Variants in CENPN observed in about 807,000 individuals in gnomAD.
The protein encoded by CENPN is centromere protein N.
Under a neutral mutation model 48.6 loss-of-function variants are expected in CENPN, and 36 were observed. The observed-to-expected ratio is 0.74, with a 90% CI of 0.57 to 0.98. The LOEUF is 0.98. CENPN is among the 50% of genes least tolerant of loss of function. CENPN has a pLI of 0.00. For missense variants in CENPN, 439 were observed against 399.2 expected (o/e 1.10, Z -0.85); for synonymous variants, 166 against 135.2 (o/e 1.23, Z -1.58).
intron 8 of CENPN, 120 bp from the exon 9 acceptor site, chr16:81,026,406 A>G: frequency 2.2e-6 from 1 of 444,812 alleles, no homozygotes; most frequent in Non-Finnish European, 4.1e-6. Flanking sequence ...CAAGAGAAGA[A>G]GCAGTAAATA....
At chr16:81,033,085 C>T (rs894975990), downstream of CENPN, 1 of 155,984 alleles carries the variant, frequency 6.4e-6, no homozygotes, top group Non-Finnish European at 1.4e-5. Flanking sequence ...CCTGCACAAT[C>T]TGCAACTTGC....
In CENPN at chr16:81,028,722, T is replaced by A. The variant is rs1641704597; in HGVS notation, c.*71T>A. On this transcript the variant is annotated 3_prime_UTR_variant, in exon 11 of 11. Coordinates refer to ENST00000305850, the MANE Select transcript of CENPN (RefSeq NM_001100624.3). ...ACATGCACTTCAGTTCATGGCTAGC[T>A]GTATAGCTTCCGTCTGTAAACTTGT... 1.9e-6 allele frequency: 3 copies of A among 1,552,104 alleles called. No individual in the cohort carries two copies. The highest frequency in any genetic ancestry group is 2.6e-6 in the Non-Finnish European group (3 of 1,157,172).
chr16:81,015,733 C>A (rs956948015), intron 3 of CENPN, among the ~76,000 whole-genome samples: 3 of 152,176 alleles, frequency 2.0e-5, no homozygotes, highest in Non-Finnish European at 4.4e-5. Context: ...TGGCTGGACG[C>A]AGTGGCTCAC....
In CENPN at chr16:81,020,147, A is replaced by T; in HGVS notation, c.402A>T (p.Arg134=). Residue 134 remains arginine (R), a synonymous_variant, in exon 6 of 11, where the codon CGA becomes CGT. Transcript: ENST00000305850. ...RETEENAVWI[R]IAWGTQYTKP... is the part of the protein sequence containing the mutation. ...CTGAGGAGAATGCAGTCTGGATTCG[A>T]ATTGCCTGGGGAACACAGTACACAA... The T allele has an allele frequency of 6.2e-7, 1 of 1,613,600 alleles. No homozygotes were observed. The highest frequency in any genetic ancestry group is 8.5e-7 in the Non-Finnish European group (1 of 1,179,840).
chr16:81,017,459 G>A (rs1969978933), intron 4 of CENPN, 74 bp downstream of exon 4: 3 of 1,017,488 alleles, frequency 2.9e-6, no homozygotes, highest in Non-Finnish European at 4.6e-6. Context: ...ACAGCGAGCT[G>A]AGATTGCACC....
At chr16:81,007,536 G>C (rs3784815) in intron 1 of CENPN, 3,197 of 152,372 alleles carry the variant, frequency 0.021, 177 homozygotes, top group East Asian at 0.2. Flanking sequence ...ACTGCGTCAG[G>C]GGAGGGCCGT....
chr16:81,025,722 A>T (rs1970438733), intron 8 of CENPN, among the ~76,000 whole-genome samples: 1 of 127,838 alleles, frequency 7.8e-6, no homozygotes, highest in Non-Finnish European at 1.5e-5. Flanking sequence ...TTTTTTTTTA[A>T]GACAGAGTCT....
intron 8 of CENPN, among the ~76,000 whole-genome samples, chr16:81,026,318 A>G (rs1159734468): frequency 6.6e-6 from 1 of 151,878 alleles, no homozygotes; most frequent in Admixed American, 6.6e-5. Flanking sequence ...TGGTAGAATT[A>G]TGATTTTTAT....
Position 81,020,265 on chromosome 16 carries a change from C to T in CENPN, c.520C>T (p.Leu174Phe). Reference protein sequence around the residue: ...SSSMLRRNTPLLGQALTIASK... With the variant: ...SSSMLRRNTPFLGQALTIASK... Reference sequence around the variant, plus strand: ...CTCCATGCTGAGGCGCAATACACCGCTTCTGGGTCAGGTATGGAAAAAATT... The same window carrying T: ...CTCCATGCTGAGGCGCAATACACCGTTTCTGGGTCAGGTATGGAAAAAATT... The change falls in exon 6 of 11, where the codon CTT becomes TTT. Residue 174 changes from leucine (L) to phenylalanine (F), a missense_variant. Coordinates refer to ENST00000305850, the MANE Select transcript of CENPN (RefSeq NM_001100624.3). 1 of 1,610,098 alleles carries T rather than the reference C, an allele frequency of 6.2e-7. No homozygotes were observed. The highest frequency in any genetic ancestry group is 1.3e-5 in the African/African-American group (1 of 74,814).
chr16:81,028,418 C>T lies in CENPN; in HGVS notation c.937+121C>T, dbSNP rs1236708849. 3 of 1,445,148 alleles carry T rather than the reference C, an allele frequency of 2.1e-6. No individual in the cohort carries two copies. The Admixed American group carries it at 5.8e-5, about 28-fold the overall frequency. 89.5% of individuals were successfully genotyped at this position (1,445,148 alleles called of 1,614,324 possible). ...CCCTAGTCTGCTAGCCCATCCTGCT[C>T]TCTCTTGCATCTTCTGCTTCTGTAC... is the stretch of plus-strand genomic sequence containing the variant. On this transcript the variant is annotated intron_variant, in intron 10 of 10. Transcript: ENST00000305850.
At chr16:81,017,182 G>C in intron 3 of CENPN, 144 bp from the exon 4 acceptor site, 1 of 594,820 alleles carries the variant, frequency 1.7e-6, no homozygotes, top group Non-Finnish European at 2.9e-6. Flanking sequence ...TCCATATAAA[G>C]TTTATATTTT....
intron 5 of CENPN, among the ~76,000 whole-genome samples, chr16:81,018,735 T>TG (rs1258352221): frequency 6.6e-6 from 1 of 152,166 alleles, no homozygotes; most frequent in Non-Finnish European, 1.5e-5. Context: ...CGCCATACCC[T>TG]GGACTGGGGA....
rs1480366017 is a variant in CENPN at position 81,030,247 on chromosome 16, T to C, written c.*1596T>C. The C allele has an allele frequency of 1.0e-6, 1 of 985,468 alleles. No individual in the cohort carries two copies. Among genetic ancestry groups the C allele is most frequent in the Non-Finnish European group, 1.2e-6 (1 of 829,944 alleles). 61.0% of individuals were successfully genotyped at this position (985,468 alleles called of 1,614,324 possible). A position where few individuals can be genotyped will look rare whatever the true frequency, so the allele number is the denominator to read the frequency against. On this transcript the variant is annotated 3_prime_UTR_variant, in exon 11 of 11. Transcript: ENST00000305850. ...ACCACGCCCGCCAGCATGTCTTTTTTAAACATTTTAAAATCTATTCTTTAT... is the reference window on the plus strand; with the variant it reads ...ACCACGCCCGCCAGCATGTCTTTTTCAAACATTTTAAAATCTATTCTTTAT...
intron 9 of CENPN, among the ~76,000 whole-genome samples, chr16:81,027,496 AAG>A (rs1198879250): frequency 6.6e-6 from 1 of 152,224 alleles, no homozygotes; most frequent in Non-Finnish European, 1.5e-5. Context: ...GAAACAAAGA[AAG>A]AAATCTCAGT....
chr16:81,013,463 C>G (rs1969821464), intron 2 of CENPN, among the ~76,000 whole-genome samples: 1 of 152,148 alleles, frequency 6.6e-6, no homozygotes, highest in East Asian at 1.9e-4. Flanking sequence ...CTCAGTGGCT[C>G]CTGCCTGGAA....
intron 1 of CENPN, among the ~76,000 whole-genome samples, chr16:81,008,188 CTG>C (rs1168889818): frequency 6.6e-6 from 1 of 151,960 alleles, no homozygotes; most frequent in African/African-American, 2.4e-5. Flanking sequence ...ATTGGTGAGA[CTG>C]AGGGCGCTCT....
rs1230483816 is a variant in CENPN, at chr16:81,029,141, G to A, written c.*490G>A. On this transcript the variant is annotated 3_prime_UTR_variant, in exon 11 of 11. Coordinates refer to ENST00000305850, the MANE Select transcript of CENPN (RefSeq NM_001100624.3). ...CATGAAATTGGTCTATTCAAAGGAT[G>A]GAGTTGAGTCCATTCTGTTATTGTT... The A allele has an allele frequency of 2.0e-5, 20 of 985,314 alleles. No homozygotes were observed. The highest frequency in any genetic ancestry group is 2.3e-5 in the Non-Finnish European group (19 of 829,956). The allele number at this position is 985,314 out of a possible 1,614,324, so 61.0% of individuals were successfully genotyped here.
At chr16:81,032,805 C>T, downstream of CENPN, 1 of 1,182,766 alleles carries the variant, frequency 8.5e-7, no homozygotes. Flanking sequence ...TAAAATGGAC[C>T]CTTTGTTACT....
chr16:81,020,064 T>C lies in CENPN; in HGVS notation c.355-36T>C, dbSNP rs776366248. 24 of 1,551,448 alleles carry C rather than the reference T, an allele frequency of 1.5e-5. No individual in the cohort carries two copies. In the Admixed American group the frequency reaches 3.7e-4, roughly 24 times the overall value. On this transcript the variant is annotated intron_variant, in intron 5 of 10. Transcript: ENST00000305850. The stretch of plus-strand genomic sequence containing the variant: ...GTTGGTGCCACAGTGAAATTTTAAT[T>C]AGGAAATTAAGCCTTTTTTTTTTTT...
Sources: allele counts gnomAD v4.1 joint callset (sites outside exome capture counted in the v4.1 genomes callset), GRCh38; gene constraint gnomAD v4.1.1; transcripts MANE v1.5; gene names NCBI Gene and HGNC (gene_info 2026-07-23, HGNC 2026-07-21).